Variants in IP6K2 observed in about 807,000 individuals in gnomAD.
IP6K2 encodes the protein ATP:1D-myo-inositol-hexakisphosphate phosphotransferase.
IP6K2 carries 9 observed loss-of-function variants against 43.3 expected under a neutral mutation model. The ratio of observed to expected loss-of-function variants is 0.21; its 90% CI spans 0.13 to 0.36. IP6K2 has a LOEUF of 0.36. Among genes scored for constraint, IP6K2 ranks in the 10% least tolerant of loss-of-function variants. IP6K2 has a pLI of 1.00. For missense variants in IP6K2, 332 were observed against 538.4 expected, an observed-to-expected ratio of 0.62 and a Z score of 3.79; for synonymous variants, 209 against 202.4, an observed-to-expected ratio of 1.03 and a Z score of -0.28.
Position 48,688,149 on chromosome 3 carries a change from G to A in IP6K2, c.*124C>T. The A allele has an allele frequency of 9.8e-7, 1 of 1,017,356 alleles. No individual in the cohort carries two copies. Among genetic ancestry groups the A allele is most frequent in the Non-Finnish European group, 1.5e-6 (1 of 673,814 alleles). 63.0% of individuals were successfully genotyped at this position (1,017,356 alleles called of 1,614,324 possible). On this transcript the variant is annotated 3_prime_UTR_variant, in exon 6 of 6. Transcript: ENST00000328631. This position sits in a 1 kb window ranked among gnomAD's most constrained non-coding sequence, Gnocchi z 5.1. Reference sequence around the variant, plus strand: ...ACTGGCTCAGGCTGGGGCTCACAGAGGCCACTGCACATCAGCTCCAGGCTG... The same window carrying A: ...ACTGGCTCAGGCTGGGGCTCACAGAAGCCACTGCACATCAGCTCCAGGCTG...
In IP6K2 at chr3:48,693,021, C is replaced by T. The variant is rs1298874170; in HGVS notation, c.361G>A (p.Val121Ile). The T allele has an allele frequency of 6.2e-7, 1 of 1,614,136 alleles. No individual in the cohort carries two copies. Among genetic ancestry groups the T allele is most frequent in the Non-Finnish European group, 8.5e-7 (1 of 1,180,050 alleles). The change falls in exon 3 of 6, where the codon GTC becomes ATC. Residue 121 changes from valine (V) to isoleucine (I), a missense_variant. Coordinates refer to ENST00000328631, the MANE Select transcript of IP6K2 (RefSeq NM_016291.4). ...TTAGGGGTCTTTTCTGTTTCTAAGA[C>T]ATGATGTTTTTTGTTTGTTGTCCAC... ...LRWTTNKKHH[V>I]LETEKTPKDW...
Position 48,688,950 on chromosome 3 carries a change from A to G in IP6K2, c.781-177T>C, listed in dbSNP as rs115238448. Reference sequence around the variant, plus strand: ...TCTGATCAGCCCCCACCTGGGATGCAGCCATCCAACCTGGGTTTGGTCATT... The same window carrying G: ...TCTGATCAGCCCCCACCTGGGATGCGGCCATCCAACCTGGGTTTGGTCATT... On this transcript the variant is annotated intron_variant, in intron 5 of 5. Coordinates refer to ENST00000328631, the MANE Select transcript of IP6K2 (RefSeq NM_016291.4). The surrounding 1 kb of genome is among the most constrained non-coding windows in gnomAD (Gnocchi z 5.1). Among the ~76,000 whole-genome samples, 304 of 152,320 alleles carry G rather than the reference A, an allele frequency of 2.0e-3. 1 individual carries two copies. Among genetic ancestry groups the G allele is most frequent in the African/African-American group, 7.1e-3 (294 of 41,576 alleles).
At chr3:48,714,403 G>GT (rs918791935) in intron 1 of IP6K2, among the ~76,000 whole-genome samples, 1 of 151,184 alleles carries the variant, frequency 6.6e-6, no homozygotes, top group Non-Finnish European at 1.5e-5. Flanking sequence ...GTGTGTGTGT[G>GT]TTTTTTTGAG....
intron 1 of IP6K2, among the ~76,000 whole-genome samples, chr3:48,709,403 G>A (rs557711166): frequency 1.3e-5 from 2 of 152,298 alleles, no homozygotes; most frequent in South Asian, 2.1e-4. Flanking sequence ...AATACTCCTC[G>A]CAAGGGTCTG....
chr3:48,699,181 G>A (rs546007691), intron 1 of IP6K2, among the ~76,000 whole-genome samples: 113 of 152,216 alleles, frequency 7.4e-4, no homozygotes, highest in African/African-American at 2.5e-3. Context: ...AGGCCTAAGC[G>A]GGTGGAATCA....
chr3:48,693,913 C>T lies in IP6K2; in HGVS notation c.203-734G>A, dbSNP rs1007178920. 4 of 1,298,450 alleles carry T rather than the reference C, an allele frequency of 3.1e-6. No individual in the cohort carries two copies. In the Admixed American group the frequency reaches 1.1e-4, roughly 37 times the overall value. 80.4% of individuals were successfully genotyped at this position (1,298,450 alleles called of 1,614,324 possible). Reference sequence around the variant, plus strand: ...TTTCCCCTTAAGTCTCTAGAACCTGCCATGAGTAATTAAGACAGTCTTTGA... The same window carrying T: ...TTTCCCCTTAAGTCTCTAGAACCTGTCATGAGTAATTAAGACAGTCTTTGA... On this transcript the variant is annotated intron_variant, in intron 2 of 5. Coordinates refer to ENST00000328631, the MANE Select transcript of IP6K2 (RefSeq NM_016291.4).
At chr3:48,694,053 A>G (rs1186864784) in intron 2 of IP6K2, 1 of 1,439,714 alleles carries the variant, frequency 6.9e-7, no homozygotes, top group East Asian at 2.6e-5. Context: ...CAATCTGCTC[A>G]GTCCTCGACT....
At chr3:48,698,831 C>G (rs2078701670) in intron 1 of IP6K2, among the ~76,000 whole-genome samples, 1 of 152,064 alleles carries the variant, frequency 6.6e-6, no homozygotes, top group African/African-American at 2.4e-5. Context: ...CCCAGCTATT[C>G]AGGAGGCTGA....
At chr3:48,697,898 C>T (rs1344970972) in intron 1 of IP6K2, among the ~76,000 whole-genome samples, 1 of 152,176 alleles carries the variant, frequency 6.6e-6, no homozygotes, top group Admixed American at 6.6e-5. Flanking sequence ...TGGTGTTAAT[C>T]TCTTCCTTTT....
In IP6K2 at chr3:48,691,399, G is replaced by A. The variant is rs1263313425; in HGVS notation, c.512C>T (p.Ser171Phe). 3 of 1,613,124 alleles carry A rather than the reference G, an allele frequency of 1.9e-6. No individual in the cohort carries two copies. The highest frequency in any genetic ancestry group is 8.5e-7 in the Non-Finnish European group (1 of 1,179,084). Residue 171 changes from serine (S) to phenylalanine (F), a missense_variant, in exon 4 of 6, where the codon TCC (serine) becomes TTC (phenylalanine). Physicochemically the swap from Ser to Phe is radical, Grantham distance 155. Transcript: ENST00000328631. ...CCAAGGGTTATAGTGTTTAAGCTGG[G>A]AACTTATATTCCCCTTCTTCTCTAC... is the stretch of plus-strand genomic sequence containing the variant. ...YTVEKKGNIS[S>F]QLKHYNPWSM...
intron 1 of IP6K2, among the ~76,000 whole-genome samples, chr3:48,714,388 TG>T (rs1221550711): frequency 6.7e-6 from 1 of 149,546 alleles, no homozygotes; most frequent in Non-Finnish European, 1.5e-5. Context: ...CTTTTTTTTG[TG>T]TGTGTGTGTG....
rs762295956 is a variant in IP6K2, at chr3:48,689,596, A to G, written c.722T>C (p.Ile241Thr). The change falls in exon 5 of 6, where the codon ATC becomes ACC. Residue 241 changes from isoleucine (I) to threonine (T), a missense_variant. Ile to Thr is a moderately conservative substitution (Grantham distance 89). Transcript: ENST00000328631. ...AGATGTGCTCTGCTGACATTTTCGG[A>G]TCTGGTTGGCTGCCTTCTCCTCTGA... ...DASEEKAANQ[I>T]RKCQQSTSAV... The G allele has an allele frequency of 2.5e-6, 4 of 1,614,054 alleles. No homozygotes were observed. Among genetic ancestry groups the G allele is most frequent in the Non-Finnish European group, 3.4e-6 (4 of 1,180,050 alleles).
rs2077948808 is a variant in IP6K2 at position 48,693,149 on chromosome 3, T to C, written c.233A>G (p.Glu78Gly). The C allele has an allele frequency of 1.9e-6, 3 of 1,614,166 alleles. No homozygotes were observed. The highest frequency in any genetic ancestry group is 2.5e-6 in the Non-Finnish European group (3 of 1,180,014). The change falls in exon 3 of 6, where the codon GAA (glutamate) becomes GGA (glycine). Residue 78 changes from glutamate (E) to glycine (G), a missense_variant. Glu to Gly is a moderately conservative substitution (Grantham distance 98). Transcript: ENST00000328631. ...GVVSVRFEED[E>G]DRNLCLIAYP... ...TGCTATTAGACACAAGTTCCTGTCT[T>C]CATCTTCTTCAAAGCGCACAGATAC...
chr3:48,710,775 A>G (rs1398030271), intron 1 of IP6K2, among the ~76,000 whole-genome samples: 1 of 151,970 alleles, frequency 6.6e-6, no homozygotes, highest in Non-Finnish European at 1.5e-5. Context: ...ACGCCCGGCT[A>G]ATTTTTTGTA....
At chr3:48,691,170 A>G in intron 4 of IP6K2, 137 bp downstream of exon 4, 1 of 701,550 alleles carries the variant, frequency 1.4e-6, no homozygotes. Context: ...ATTATCATAC[A>G]GGTCCTGGAA....
intron 1 of IP6K2, among the ~76,000 whole-genome samples, chr3:48,700,077 T>C (rs2078861948): frequency 6.6e-6 from 1 of 152,214 alleles, no homozygotes; most frequent in South Asian, 2.1e-4. Context: ...AAGTCTTGCT[T>C]TTTGATCCTT....
intron 2 of IP6K2, chr3:48,694,288 C>T: frequency 1.3e-6 from 2 of 1,551,514 alleles, no homozygotes; most frequent in South Asian, 2.4e-5. Flanking sequence ...CCCAACTCCC[C>T]CATCCCCACC....
Position 48,695,053 on chromosome 3 carries a change from C to G in IP6K2, c.202+37G>C, listed in dbSNP as rs750247896. On this transcript the variant is annotated intron_variant, in intron 2 of 5. Coordinates refer to ENST00000328631, the MANE Select transcript of IP6K2 (RefSeq NM_016291.4). The surrounding 1 kb of genome is among the most constrained non-coding windows in gnomAD (Gnocchi z 4.6). The stretch of plus-strand genomic sequence containing the variant: ...ATGGCCACGATCTCTCACATCTCCT[C>G]GCCAGTGTGGCAACCCCTCCAGCAG... The G allele has an allele frequency of 6.2e-7, 1 of 1,614,002 alleles. No homozygotes were observed. The highest frequency in any genetic ancestry group is 8.5e-7 in the Non-Finnish European group (1 of 1,179,978).
chr3:48,711,546 A>G (rs936166517), intron 1 of IP6K2: 2 of 152,210 alleles, frequency 1.3e-5, no homozygotes. Flanking sequence ...GTGGGTTTGT[A>G]ATCAACTGGG....
Sources: allele counts gnomAD v4.1 joint callset (sites outside exome capture counted in the v4.1 genomes callset), GRCh38; gene constraint gnomAD v4.1.1; non-coding constraint Gnocchi (gnomAD v3.1); transcripts MANE v1.5; gene names NCBI Gene and HGNC (gene_info 2026-07-23, HGNC 2026-07-21).